The following RTN4 variants were observed in gnomAD, a reference collection of about 807,000 sequenced individuals.
RTN4 encodes the protein reticulon 4, also known as reticulon-4.
RTN4 carries 32 observed loss-of-function variants against 90.4 expected under a neutral mutation model. The ratio of observed to expected loss-of-function variants is 0.35; its 90% CI spans 0.27 to 0.48. The LOEUF is 0.48. Among genes scored for constraint, RTN4 ranks in the 20% least tolerant of loss-of-function variants. The pLI, the probability that RTN4 is intolerant of heterozygous loss-of-function variation, is 0.99. For missense variants in RTN4, 1,706 were observed against 1,430.2 expected, an observed-to-expected ratio of 1.19 and a Z score of -3.11; for synonymous variants, 629 against 552.5, an observed-to-expected ratio of 1.14 and a Z score of -1.94.
intron 2 of RTN4, among the ~76,000 whole-genome samples, 168 bp from the exon 3 acceptor site, chr2:55,027,653 A>C (rs1279909035): frequency 6.6e-6 from 1 of 151,868 alleles, no homozygotes; most frequent in Admixed American, 6.5e-5. Context: ...TCATTACTGA[A>C]AATATTAAGC....
In RTN4 at chr2:55,108,938, C is replaced by A. The variant is rs148318079; in HGVS notation, c.-214+3582G>T. Among the ~76,000 whole-genome samples, 548 of 152,136 alleles carry A rather than the reference C, an allele frequency of 3.6e-3. 8 individuals are homozygous for A. Among genetic ancestry groups the A allele is most frequent in the African/African-American group, 0.012 (517 of 41,458 alleles). On this transcript the variant is annotated intron_variant, in intron 1 of 3. Coordinates refer to the RTN4 transcript ENST00000427710. ...AACACATCCCTAAGGAAACTCTGTG[C>A]AAAGAGAAGATCAAGGCCAGCAGCT...
chr2:54,973,087 ACCCT>A lies in RTN4; in HGVS notation c.*65_*68del. ...CAACGTCAAGGTTCGTTCTTCCCTG[ACCCT>A]CCCCCGTATAATCAAATGAATATCC... On this transcript the variant is annotated 3_prime_UTR_variant, in exon 9 of 9. Transcript: ENST00000337526. The A allele has an allele frequency of 7.5e-7, 1 of 1,339,652 alleles. No homozygotes were observed. Among genetic ancestry groups the A allele is most frequent in the Non-Finnish European group, 1.1e-6 (1 of 942,314 alleles). The allele number at this position is 1,339,652 out of a possible 1,614,324, so 83.0% of individuals were successfully genotyped here.
chr2:55,126,529 G>A, the RTN4 span, among the ~76,000 whole-genome samples: 13 of 152,202 alleles, frequency 8.5e-5, no homozygotes, highest in African/African-American at 3.1e-4. Context: ...AAAACTAACA[G>A]ATGCTGGTGA....
chr2:55,077,296 A>C (rs936246900), intron 2 of RTN4, among the ~76,000 whole-genome samples: 3 of 152,156 alleles, frequency 2.0e-5, no homozygotes, highest in Non-Finnish European at 4.4e-5. Context: ...TACAGGCGTG[A>C]GCCACCACAC....
intron 3 of RTN4, among the ~76,000 whole-genome samples, chr2:54,995,954 A>G (rs1321411099): frequency 2.0e-5 from 3 of 152,282 alleles, no homozygotes; most frequent in African/African-American, 7.2e-5. Flanking sequence ...GGTCTGTTGT[A>G]TGTATTTTAA....
At chr2:54,973,470 T>C in intron 8 of RTN4, 93 bp downstream of exon 8, 1 of 993,410 alleles carries the variant, frequency 1.0e-6, no homozygotes, top group Non-Finnish European at 1.6e-6. Flanking sequence ...TGATAGAGAT[T>C]TGTTACTCAT....
intron 5 of RTN4, among the ~76,000 whole-genome samples, chr2:54,975,309 G>C (rs1336092250): frequency 2.0e-5 from 3 of 152,162 alleles, no homozygotes; most frequent in Non-Finnish European, 4.4e-5. Context: ...TTAAACATTG[G>C]TCATCATCAG....
chr2:55,079,830 A>G (rs1024474910), intron 2 of RTN4, among the ~76,000 whole-genome samples: 1 of 152,184 alleles, frequency 6.6e-6, no homozygotes, highest in Non-Finnish European at 1.5e-5. Context: ...CTAGTACAGC[A>G]TACTATAGTG....
intron 3 of RTN4, among the ~76,000 whole-genome samples, chr2:54,994,293 T>A (rs951366579): frequency 6.6e-6 from 1 of 152,160 alleles, no homozygotes; most frequent in African/African-American, 2.4e-5. Flanking sequence ...AAACTACAGA[T>A]AAATATCCCT....
At chr2:54,978,335 C>T (rs536371556) in intron 5 of RTN4, among the ~76,000 whole-genome samples, 53 of 148,586 alleles carry the variant, frequency 3.6e-4, no homozygotes, top group African/African-American at 1.1e-3. Flanking sequence ...GAGGCTGAAG[C>T]AGGAGAATCA....
chr2:55,098,269 T>A (rs1667787954), intron 1 of RTN4, among the ~76,000 whole-genome samples: 1 of 152,182 alleles, frequency 6.6e-6, no homozygotes, highest in South Asian at 2.1e-4. Flanking sequence ...ATTCATTCAT[T>A]TGGACTTATA....
the RTN4 span, among the ~76,000 whole-genome samples, chr2:55,126,060 CAAAAAA>C: frequency 3.2e-5 from 2 of 62,454 alleles, no homozygotes; most frequent in Non-Finnish European, 6.1e-5. Context: ...GACTCCGTCT[CAAAAAA>C]AAAAAAAAAA....
chr2:54,973,094 C>T lies in RTN4; in HGVS notation c.*62G>A. The T allele has an allele frequency of 7.2e-7, 1 of 1,390,064 alleles. No individual in the cohort carries two copies. The highest frequency in any genetic ancestry group is 1.0e-6 in the Non-Finnish European group (1 of 985,046). 86.1% of individuals were successfully genotyped at this position (1,390,064 alleles called of 1,614,324 possible). On this transcript the variant is annotated 3_prime_UTR_variant, in exon 9 of 9. Transcript: ENST00000337526. ...AAGGTTCGTTCTTCCCTGACCCTCC[C>T]CCGTATAATCAAATGAATATCCCCT...
At chr2:55,082,372 C>G (rs1472108864) in intron 1 of RTN4, among the ~76,000 whole-genome samples, 1 of 152,094 alleles carries the variant, frequency 6.6e-6, no homozygotes, top group Non-Finnish European at 1.5e-5. Context: ...TCTCAAAAGC[C>G]AGAGACTTGA....
At chr2:55,020,623 T>C (rs1032733509) in intron 3 of RTN4, among the ~76,000 whole-genome samples, 2 of 152,210 alleles carry the variant, frequency 1.3e-5, no homozygotes, top group African/African-American at 2.4e-5. Context: ...TAAAGCACCA[T>C]CTGCATCACA....
At chr2:55,016,356 G>A (rs1395059637) in intron 3 of RTN4, among the ~76,000 whole-genome samples, 1 of 152,162 alleles carries the variant, frequency 6.6e-6, no homozygotes, top group Admixed American at 6.5e-5. Flanking sequence ...GCCAAGGTGG[G>A]CAGATCACTT....
chr2:55,040,848 A>G (rs1683025233), intron 1 of RTN4, among the ~76,000 whole-genome samples: 1 of 152,040 alleles, frequency 6.6e-6, no homozygotes, highest in Non-Finnish European at 1.5e-5. Flanking sequence ...CCAAGAGACC[A>G]CCAATATAAG....
intron 6 of RTN4, 108 bp from the exon 7 acceptor site, chr2:54,973,975 TAATG>T: frequency 3.3e-6 from 3 of 911,436 alleles, no homozygotes; most frequent in Non-Finnish European, 3.4e-6. Context: ...GCAGTGTTCC[TAATG>T]AATGAATAAA....
intron 3 of RTN4, among the ~76,000 whole-genome samples, chr2:55,022,896 AAC>A (rs150779063): frequency 2.1e-3 from 290 of 137,284 alleles, no homozygotes; most frequent in East Asian, 0.014. Context: ...TTCAACATCC[AAC>A]ACACACACAC....
Sources: gnomAD v4.1 joint callset for allele counts (sites outside exome capture counted in the v4.1 genomes callset) on GRCh38, gnomAD v4.1.1 for gene constraint, MANE v1.5 for transcripts, NCBI Gene and HGNC (gene_info 2026-07-23, HGNC 2026-07-21) for gene names.